Variants in KIF5A observed in about 807,000 individuals in gnomAD.
KIF5A encodes kinesin heavy chain isoform 5A.
In KIF5A, 35 loss-of-function variants were observed where a neutral mutation model predicts 141.3. That is an observed-to-expected ratio of 0.25 (90% confidence interval 0.19 to 0.33). The LOEUF (loss-of-function observed/expected upper bound fraction) is 0.33. Ranked by LOEUF, KIF5A falls within the 10% of genes least tolerant of loss-of-function variation. The pLI, the probability that KIF5A is intolerant of heterozygous loss-of-function variation, is 1.00. For synonymous variants in KIF5A, 448 were observed against 500.2 expected, an observed-to-expected ratio of 0.90 and a Z score of 1.39; for missense variants, 861 against 1,314.3, an observed-to-expected ratio of 0.66 and a Z score of 5.33.
Position 57,572,593 on chromosome 12 carries a change from C to T in KIF5A, c.1583C>T (p.Ser528Phe). ...ELSQKVATML[S>F]LESELQRLQE... ...GGCTGTCCCCAGGCCACCATGCTGTCCCTGGAGTCTGAGTTGCAGCGGCTA... is the reference window on the plus strand; with the variant it reads ...GGCTGTCCCCAGGCCACCATGCTGTTCCTGGAGTCTGAGTTGCAGCGGCTA... Residue 528 changes from serine (S) to phenylalanine (F), a missense_variant, in exon 15 of 29, where the codon TCC becomes TTC. By Grantham distance (155) the Ser-to-Phe change is radical. Coordinates refer to ENST00000455537, the MANE Select transcript of KIF5A (RefSeq NM_004984.4). This position sits in a 1 kb window ranked among gnomAD's most constrained non-coding sequence, Gnocchi z 4.2. 1 of 1,614,228 alleles carries T rather than the reference C, an allele frequency of 6.2e-7. No homozygotes were observed. The highest frequency in any genetic ancestry group is 8.5e-7 in the Non-Finnish European group (1 of 1,180,056).
At position 57,581,048 on chromosome 12, in the gene KIF5A, T is replaced by G. The variant is rs770594612; in HGVS notation, c.2631T>G (p.Gly877=). Reference sequence around the variant, plus strand: ...CTGAGAGAGTTAAGGCCCTGGAGGGTGCACTGAAGGAGGCCAAGGAGGGCG... The same window carrying G: ...CTGAGAGAGTTAAGGCCCTGGAGGGGGCACTGAAGGAGGCCAAGGAGGGCG... The part of the protein sequence containing the change: ...ATAERVKALE[G]ALKEAKEGAM... The change falls in exon 24 of 29, where the codon GGT becomes GGG. Residue 877 remains glycine, a synonymous_variant. Coordinates refer to ENST00000455537, the MANE Select transcript of KIF5A (RefSeq NM_004984.4). The G allele has an allele frequency of 1.2e-6, 2 of 1,613,838 alleles. No homozygotes were observed. The highest frequency in any genetic ancestry group is 1.7e-6 in the Non-Finnish European group (2 of 1,179,966).
In KIF5A at chr12:57,550,391, C is replaced by A. The variant is rs768642667; in HGVS notation, c.120C>A (p.Val40=). The A allele has an allele frequency of 1.2e-6, 2 of 1,614,076 alleles. No individual in the cohort carries two copies. The highest frequency in any genetic ancestry group is 2.2e-5 in the South Asian group (2 of 91,074). ...CCATTTTCCAAGGGGACGACAGCGT[C>A]GTTATTGGGGTGAGTGTCGCCCAGG... ...FIPIFQGDDS[V]VIGGKPYVFD... Residue 40 remains valine (V), a synonymous_variant, in exon 1 of 29, where the codon GTC becomes GTA. Transcript: ENST00000455537. The surrounding 1 kb of genome is among the most constrained non-coding windows in gnomAD (Gnocchi z 4.6).
At chr12:57,563,209 A>G (rs866104285) in intron 1 of KIF5A, among the ~76,000 whole-genome samples, 5 of 151,654 alleles carry the variant, frequency 3.3e-5, no homozygotes, top group Admixed American at 6.6e-5. Flanking sequence ...GTTTCACCAT[A>G]TTGGTCAGGC....
intron 28 of KIF5A, 128 bp downstream of exon 28, chr12:57,583,343 C>T (rs111269596): frequency 5.8e-5 from 38 of 653,910 alleles, no homozygotes; most frequent in African/African-American, 5.1e-4. Flanking sequence ...GTAGTTACCC[C>T]TCAACTCCTG....
rs1882161379 is a variant in KIF5A, at chr12:57,569,084, TCCCCTCACCCCTCA to T, written c.819+18_819+31del. ...GAGGGCACTGTGAGTGATCCTTAGG[TCCCCTCACCCCTCA>T]AGCCACACCCCATCTCCTCCCCCAC... On this transcript the variant is annotated intron_variant, in intron 9 of 28. Coordinates refer to ENST00000455537, the MANE Select transcript of KIF5A (RefSeq NM_004984.4). 6.3e-7 allele frequency: 1 copy of T among 1,594,386 alleles called. No individual in the cohort carries two copies. Among genetic ancestry groups the T allele is most frequent in the Non-Finnish European group, 8.6e-7 (1 of 1,163,114 alleles).
At chr12:57,565,044 C>A in intron 6 of KIF5A, 71 bp downstream of exon 6, 1 of 1,395,038 alleles carries the variant, frequency 7.2e-7, no homozygotes, top group South Asian at 1.2e-5. Flanking sequence ...GAGCATAGGT[C>A]AGTGACCCTG....
intron 15 of KIF5A, among the ~76,000 whole-genome samples, chr12:57,573,795 T>G (rs1594920681): frequency 7.5e-6 from 1 of 132,788 alleles, no homozygotes; most frequent in African/African-American, 2.9e-5. Context: ...ACCATTGCAC[T>G]CCAGCCTGGG....
intron 27 of KIF5A, 21 bp from the exon 28 acceptor site, chr12:57,583,080 A>G (rs113354019): frequency 6.2e-7 from 1 of 1,602,374 alleles, no homozygotes. Context: ...GGAGCTGATC[A>G]TGGTGGGTCT....
At chr12:57,577,571 G>A in intron 20 of KIF5A, 142 bp from the exon 21 acceptor site, 1 of 737,448 alleles carries the variant, frequency 1.4e-6, no homozygotes, top group Non-Finnish European at 2.4e-6. Context: ...ACTCTATCTA[G>A]CCTAGGTAAC....
Position 57,578,491 on chromosome 12 carries a change from C to A in KIF5A, c.2538+149C>A, listed in dbSNP as rs935908231. On this transcript the variant is annotated intron_variant, in intron 23 of 28. Transcript: ENST00000455537. ...TTTCCCTACTAATCCCTTCTTTATA[C>A]CATATTTGGTCCACTTGTACCTTGT... 4.4e-6 allele frequency: 3 copies of A among 687,948 alleles called. No homozygotes were observed. In the African/African-American group the frequency reaches 5.3e-5, roughly 12 times the overall value. The allele number at this position is 687,948 out of a possible 1,614,324, so 42.6% of individuals were successfully genotyped here.
chr12:57,564,856 C>A, intron 5 of KIF5A, 62 bp from the exon 6 acceptor site: 1 of 1,480,550 alleles, frequency 6.8e-7, no homozygotes, highest in Non-Finnish European at 9.4e-7. Flanking sequence ...GAGCTGACTG[C>A]AAGGTGCAGA....
chr12:57,556,195 G>A (rs1418479144), intron 1 of KIF5A, among the ~76,000 whole-genome samples: 1 of 150,990 alleles, frequency 6.6e-6, no homozygotes, highest in Admixed American at 6.6e-5. Context: ...CTGGAGTGCA[G>A]TGGCGCGATC....
chr12:57,572,243 G>A lies in KIF5A; in HGVS notation c.1545G>A (p.Leu515=). 1 of 1,602,514 alleles carries A rather than the reference G, an allele frequency of 6.2e-7. No homozygotes were observed. The highest frequency in any genetic ancestry group is 8.5e-7 in the Non-Finnish European group (1 of 1,174,394). ...AGAAGAGCCAGCAGAACCAGCTTCTGGTGGATGAGCTGTCTCAGAAGGTGG... is the reference window on the plus strand; with the variant it reads ...AGAAGAGCCAGCAGAACCAGCTTCTAGTGGATGAGCTGTCTCAGAAGGTGG... ...VEEKSQQNQL[L]VDELSQKVAT... Residue 515 remains leucine (L), a synonymous_variant, in exon 14 of 29, where the codon CTG becomes CTA. Coordinates refer to ENST00000455537, the MANE Select transcript of KIF5A (RefSeq NM_004984.4). This position sits in a 1 kb window ranked among gnomAD's most constrained non-coding sequence, Gnocchi z 4.2.
chr12:57,574,398 G>T (rs553587215), intron 15 of KIF5A, among the ~76,000 whole-genome samples: 64 of 147,080 alleles, frequency 4.4e-4, no homozygotes, highest in African/African-American at 1.6e-3. Context: ...TCAGCCTCCC[G>T]AGTAGCTGGG....
chr12:57,583,276 C>T (rs1272857115), intron 28 of KIF5A, 61 bp downstream of exon 28: 2 of 937,918 alleles, frequency 2.1e-6, no homozygotes, highest in African/African-American at 1.7e-5. Context: ...CTGACAGCCT[C>T]TTTGGTTTTC....
At chr12:57,575,997 C>T in intron 17 of KIF5A, 90 bp from the exon 18 acceptor site, 2 of 1,304,880 alleles carry the variant, frequency 1.5e-6, no homozygotes, top group Non-Finnish European at 2.2e-6. Flanking sequence ...TGGGTCCATT[C>T]CCAGCCCTGC....
intron 1 of KIF5A, among the ~76,000 whole-genome samples, chr12:57,562,236 A>G (rs1881928162): frequency 6.6e-6 from 1 of 152,064 alleles, no homozygotes; most frequent in Non-Finnish European, 1.5e-5. Context: ...TTTTTTTGAG[A>G]CGAAGTCTTG....
intron 25 of KIF5A, 141 bp from the exon 26 acceptor site, chr12:57,581,729 G>A: frequency 5.0e-6 from 6 of 1,206,682 alleles, no homozygotes; most frequent in Non-Finnish European, 6.1e-6. Context: ...CTCCCAGCCT[G>A]TGGCCATGTT....
chr12:57,551,783 G>A (rs1881580499), intron 1 of KIF5A, among the ~76,000 whole-genome samples: 1 of 151,988 alleles, frequency 6.6e-6, no homozygotes, highest in Non-Finnish European at 1.5e-5. Context: ...ACATGCTTCG[G>A]GGGAGACCTG....
Sources: allele counts gnomAD v4.1 joint callset (sites outside exome capture counted in the v4.1 genomes callset), GRCh38; gene constraint gnomAD v4.1.1; non-coding constraint Gnocchi (gnomAD v3.1); transcripts MANE v1.5; gene names NCBI Gene and HGNC (gene_info 2026-07-23, HGNC 2026-07-21).